CDH18: variants seen among roughly 807,000 people sequenced by gnomAD.
The protein encoded by CDH18 is cadherin-18.
Under a neutral mutation model 67.9 loss-of-function variants are expected in CDH18, and 31 were observed. The ratio of observed to expected loss-of-function variants is 0.46; its 90% CI spans 0.34 to 0.62. The LOEUF is 0.62. Ranked by LOEUF, CDH18 falls within the 20% of genes least tolerant of loss-of-function variation. The probability of loss-of-function intolerance (pLI) is 0.01; values close to 1 mark genes in which losing one functional copy is unlikely to be tolerated. For missense variants in CDH18, 890 were observed against 975.5 expected (o/e 0.91, Z 1.17); for synonymous variants, 362 against 347.2 (o/e 1.04, Z -0.48).
Position 19,987,493 on chromosome 5 carries a change from A to G in CDH18, c.-376+593T>C, listed in dbSNP as rs147372549. Among the ~76,000 whole-genome samples the G allele has an allele frequency of 1.8e-3, 277 of 152,164 alleles. 3 individuals carry two copies. The highest frequency in any genetic ancestry group is 6.4e-3 in the African/African-American group (264 of 41,506). The stretch of plus-strand genomic sequence containing the variant: ...GCCCTTTAAAAGAAGCAAAAGTTTC[A>G]TCTTAAGCTTTAATAAGCATTTAAG... On this transcript the variant is annotated intron_variant, in intron 1 of 12. Transcript: ENST00000382275.
rs1579640590 is a variant in CDH18 at position 19,928,274 on chromosome 5, A to G, written c.-257+52786T>C. Reference sequence around the variant, plus strand: ...TCTTCTCAATATGCTGCTCAGCCACATGTTATTTGTATTTTCGGTACTAAA... The same window carrying G: ...TCTTCTCAATATGCTGCTCAGCCACGTGTTATTTGTATTTTCGGTACTAAA... On this transcript the variant is annotated intron_variant, in intron 2 of 12. Coordinates refer to ENST00000382275, the MANE Select transcript of CDH18 (RefSeq NM_004934.5). Among the ~76,000 whole-genome samples the G allele has an allele frequency of 2.0e-5, 3 of 152,194 alleles. 1 individual carries two copies. In the South Asian group the frequency reaches 6.2e-4, roughly 31 times the overall value.
At chr5:19,969,138 A>T (rs1162877193) in intron 2 of CDH18, among the ~76,000 whole-genome samples, 1 of 147,968 alleles carries the variant, frequency 6.8e-6, no homozygotes, top group Non-Finnish European at 1.5e-5. Context: ...TCAAAACCAC[A>T]ATGAGATACC....
chr5:20,296,456 T>C, intron 1 of CDH18, among the ~76,000 whole-genome samples: 1 of 151,506 alleles, frequency 6.6e-6, no homozygotes, highest in East Asian at 2.0e-4. Context: ...AGAGACGGGG[T>C]TTCACCGTGT....
intron 1 of CDH18, among the ~76,000 whole-genome samples, chr5:20,471,264 TCTC>T (rs1394003491): frequency 6.6e-6 from 1 of 152,114 alleles, no homozygotes; most frequent in African/African-American, 2.4e-5. Flanking sequence ...TTGTTCATTC[TCTC>T]CTCATCATTC....
At chr5:19,643,908 C>T (rs539858887) in intron 5 of CDH18, among the ~76,000 whole-genome samples, 1 of 152,246 alleles carries the variant, frequency 6.6e-6, no homozygotes, top group African/African-American at 2.4e-5. Context: ...ATAAATATTT[C>T]ACAATGTATA....
intron 2 of CDH18, among the ~76,000 whole-genome samples, chr5:20,122,689 G>T (rs1748461051): frequency 6.6e-6 from 1 of 151,360 alleles, no homozygotes; most frequent in African/African-American, 2.4e-5. Flanking sequence ...TGATTCTACT[G>T]AATATTTCAA....
intron 11 of CDH18, among the ~76,000 whole-genome samples, chr5:19,499,617 C>A (rs1742905796): frequency 6.6e-6 from 1 of 151,674 alleles, no homozygotes; most frequent in Non-Finnish European, 1.5e-5. Flanking sequence ...ATTTTTTTAT[C>A]TTTTTTGTAA....
intron 3 of CDH18, among the ~76,000 whole-genome samples, chr5:19,806,867 T>G (rs973321126): frequency 4.6e-5 from 7 of 152,220 alleles, no homozygotes; most frequent in African/African-American, 1.4e-4. Context: ...AGTAATTCAT[T>G]GCTTAGTGTG....
chr5:20,087,125 T>C (rs1486615563), intron 2 of CDH18, among the ~76,000 whole-genome samples: 1 of 152,174 alleles, frequency 6.6e-6, no homozygotes, highest in African/African-American at 2.4e-5. Flanking sequence ...GGATGACTTT[T>C]ACACCAGTGG....
intron 1 of CDH18, among the ~76,000 whole-genome samples, chr5:20,332,442 G>A (rs548381685): frequency 2.0e-5 from 3 of 152,238 alleles, no homozygotes; most frequent in East Asian, 3.9e-4. Flanking sequence ...GTCATTCCTG[G>A]TGAACGCTTA....
At chr5:20,429,105 C>G (rs1296323275) in intron 1 of CDH18, among the ~76,000 whole-genome samples, 1 of 151,246 alleles carries the variant, frequency 6.6e-6, no homozygotes, top group Non-Finnish European at 1.5e-5. Context: ...CTCATCTAAT[C>G]TCTCTCCTCA....
intron 2 of CDH18, among the ~76,000 whole-genome samples, chr5:19,966,594 A>G (rs1471291751): frequency 2.0e-5 from 3 of 152,114 alleles, no homozygotes; most frequent in African/African-American, 4.8e-5. Context: ...TCATTAAAAG[A>G]AAAAACAATT....
intron 5 of CDH18, among the ~76,000 whole-genome samples, chr5:19,664,824 T>C (rs1757691471): frequency 6.6e-6 from 1 of 151,980 alleles, no homozygotes; most frequent in African/African-American, 2.4e-5. Context: ...CTCTTAAAAC[T>C]AAGGCATAAA....
At chr5:19,750,771 C>T (rs201393362) in intron 3 of CDH18, among the ~76,000 whole-genome samples, 1 of 96,376 alleles carries the variant, frequency 1.0e-5, no homozygotes, top group Non-Finnish European at 2.3e-5. Flanking sequence ...CCCCCCCCCC[C>T]CCACTTTTTT....
intron 4 of CDH18, among the ~76,000 whole-genome samples, chr5:19,745,001 T>C (rs1332341673): frequency 6.6e-6 from 1 of 152,184 alleles, no homozygotes; most frequent in Non-Finnish European, 1.5e-5. Context: ...TTATGATTGC[T>C]CCTTTCCCCC....
At chr5:20,538,383 C>T (rs1756847678) in intron 1 of CDH18, among the ~76,000 whole-genome samples, 1 of 152,124 alleles carries the variant, frequency 6.6e-6, no homozygotes, top group Non-Finnish European at 1.5e-5. Flanking sequence ...TCTTATGATT[C>T]TTCACAATAG....
intron 1 of CDH18, among the ~76,000 whole-genome samples, chr5:20,384,614 T>C (rs1744169796): frequency 6.6e-6 from 1 of 152,150 alleles, no homozygotes; most frequent in African/African-American, 2.4e-5. Flanking sequence ...GTGGGATTGA[T>C]GGATCATATG....
At chr5:20,467,310 T>C (rs966124043) in intron 1 of CDH18, among the ~76,000 whole-genome samples, 2 of 147,744 alleles carry the variant, frequency 1.4e-5, no homozygotes, top group Admixed American at 1.4e-4. Context: ...CAATTATATA[T>C]ATAAAAAAGG....
intron 10 of CDH18, among the ~76,000 whole-genome samples, chr5:19,513,857 T>C (rs1479102250): frequency 6.6e-6 from 1 of 152,192 alleles, no homozygotes; most frequent in African/African-American, 2.4e-5. Context: ...ATATGATTTT[T>C]TTTTTATACT....
Sources: gnomAD v4.1 joint callset for allele counts (sites outside exome capture counted in the v4.1 genomes callset) on GRCh38, gnomAD v4.1.1 for gene constraint, MANE v1.5 for transcripts, NCBI Gene and HGNC (gene_info 2026-07-23, HGNC 2026-07-21) for gene names.